The following FSTL4 variants were observed in gnomAD, a reference collection of about 807,000 sequenced individuals.
The protein encoded by FSTL4 is follistatin like 4, also known as follistatin-related protein 4.
Under a neutral mutation model 78.2 loss-of-function variants are expected in FSTL4, and 28 were observed. The observed-to-expected ratio is 0.36, with a 90% CI of 0.27 to 0.49. The LOEUF (loss-of-function observed/expected upper bound fraction) is 0.49. Ranked by LOEUF, FSTL4 falls within the 20% of genes least tolerant of loss-of-function variation. The probability of loss-of-function intolerance (pLI) is 0.98; values close to 1 mark genes in which losing one functional copy is unlikely to be tolerated. For missense variants in FSTL4, 922 were observed against 1,084.9 expected, an observed-to-expected ratio of 0.85 and a Z score of 2.11; for synonymous variants, 422 against 440.5, an observed-to-expected ratio of 0.96 and a Z score of 0.53.
At chr5:133,401,347 C>T (rs980765691) in intron 3 of FSTL4, among the ~76,000 whole-genome samples, 7 of 152,194 alleles carry the variant, frequency 4.6e-5, no homozygotes, top group South Asian at 2.1e-4. Flanking sequence ...CCAGCTATTC[C>T]GTGCTCACAA....
intron 4 of FSTL4, among the ~76,000 whole-genome samples, chr5:133,375,102 G>A (rs553726991): frequency 1.3e-5 from 2 of 151,588 alleles, no homozygotes; most frequent in South Asian, 4.2e-4. Context: ...GCATAACCTG[G>A]TTGGCAGTCT....
chr5:133,328,108 C>T (rs1580620616), intron 4 of FSTL4, among the ~76,000 whole-genome samples: 1 of 152,330 alleles, frequency 6.6e-6, no homozygotes, highest in East Asian at 1.9e-4. Context: ...TTGACATGGC[C>T]TTTTACCCAG....
At chr5:133,364,461 T>C (rs1226460129) in intron 4 of FSTL4, among the ~76,000 whole-genome samples, 1 of 152,178 alleles carries the variant, frequency 6.6e-6, no homozygotes, top group African/African-American at 2.4e-5. Context: ...AGGGGCCTCT[T>C]ACACCTGCTG....
the FSTL4 span, among the ~76,000 whole-genome samples, chr5:133,827,913 A>G: frequency 6.6e-6 from 1 of 152,310 alleles, no homozygotes; most frequent in East Asian, 1.9e-4. Flanking sequence ...CCTGTGCGTC[A>G]GTAGCTATCC....
the FSTL4 span, among the ~76,000 whole-genome samples, chr5:133,771,480 G>C: frequency 6.6e-6 from 1 of 151,852 alleles, no homozygotes. Flanking sequence ...TGTTGTTGTT[G>C]CTGTTGTAGC....
chr5:133,320,889 C>T (rs972207123), intron 4 of FSTL4, among the ~76,000 whole-genome samples: 2 of 151,496 alleles, frequency 1.3e-5, no homozygotes, highest in Admixed American at 1.3e-4. Context: ...CGCCTGTGGT[C>T]CCAGCTACTC....
intron 2 of FSTL4, chr5:133,575,205 T>A (rs1371671441): frequency 2.0e-5 from 3 of 152,178 alleles, no homozygotes; most frequent in African/African-American, 7.2e-5. Flanking sequence ...GAATTTCACA[T>A]GAGAAGTGGC....
At chr5:133,665,732 A>G in the FSTL4 span, among the ~76,000 whole-genome samples, 1 of 152,208 alleles carries the variant, frequency 6.6e-6, no homozygotes, top group Non-Finnish European at 1.5e-5. Flanking sequence ...GAACCTGGGA[A>G]CATCTGGCTG....
At chr5:133,836,107 TAGTTG>T in the FSTL4 span, among the ~76,000 whole-genome samples, 1 of 152,216 alleles carries the variant, frequency 6.6e-6, no homozygotes, top group Non-Finnish European at 1.5e-5. Flanking sequence ...CTAAGAAACA[TAGTTG>T]AGTTTTGTTT....
chr5:133,571,759 T>C (rs1760159810), intron 2 of FSTL4, among the ~76,000 whole-genome samples: 2 of 151,996 alleles, frequency 1.3e-5, no homozygotes, highest in Admixed American at 1.3e-4. Context: ...AAAAATTCAA[T>C]AGGTGGATTT....
the FSTL4 span, among the ~76,000 whole-genome samples, chr5:133,773,257 CAAA>C: frequency 5.4e-5 from 7 of 128,592 alleles, no homozygotes; most frequent in Non-Finnish European, 5.1e-5. Flanking sequence ...TTCATATGAC[CAAA>C]AAAAAAAAAA....
chr5:133,538,065 T>G (rs891597410), intron 3 of FSTL4, among the ~76,000 whole-genome samples: 1 of 152,058 alleles, frequency 6.6e-6, no homozygotes, highest in Non-Finnish European at 1.5e-5. Context: ...TTTTACCTAA[T>G]CCACAGTCCA....
chr5:133,284,815 T>C (rs572664960), intron 6 of FSTL4, among the ~76,000 whole-genome samples: 6 of 152,352 alleles, frequency 3.9e-5, no homozygotes, highest in African/African-American at 1.4e-4. Flanking sequence ...ACATGGTCCT[T>C]GCCTTCCTTA....
chr5:133,815,629 A>T, the FSTL4 span, among the ~76,000 whole-genome samples: 1 of 152,202 alleles, frequency 6.6e-6, no homozygotes, highest in East Asian at 1.9e-4. Context: ...CAAAATACAC[A>T]TCCCCAGGCC....
the FSTL4 span, among the ~76,000 whole-genome samples, chr5:133,773,872 G>C: frequency 1.3e-5 from 2 of 152,176 alleles, no homozygotes; most frequent in African/African-American, 4.8e-5. Flanking sequence ...CCCATTTGTA[G>C]AGAGCAAGAA....
At chr5:133,755,707 C>T in the FSTL4 span, among the ~76,000 whole-genome samples, 1 of 152,240 alleles carries the variant, frequency 6.6e-6, no homozygotes, top group Non-Finnish European at 1.5e-5. Flanking sequence ...CTCTGCTTTA[C>T]AGGAGGACTG....
chr5:133,482,265 T>C (rs1413890204), intron 3 of FSTL4, among the ~76,000 whole-genome samples: 2 of 152,260 alleles, frequency 1.3e-5, no homozygotes, highest in African/African-American at 2.4e-5. Context: ...CAGACTATCC[T>C]GGGCCAAAGA....
chr5:133,295,963 C>T (rs1363173203), intron 6 of FSTL4, among the ~76,000 whole-genome samples: 1 of 152,194 alleles, frequency 6.6e-6, no homozygotes, highest in East Asian at 1.9e-4. Flanking sequence ...CTAAGGGTTT[C>T]CAAGTTTCCA....
intron 1 of FSTL4, among the ~76,000 whole-genome samples, chr5:133,609,712 A>G (rs535071007): frequency 6.6e-6 from 1 of 152,336 alleles, no homozygotes; most frequent in East Asian, 1.9e-4. Context: ...ACATTATTCT[A>G]TGTGCCATGT....
Sources: allele counts gnomAD v4.1 joint callset (sites outside exome capture counted in the v4.1 genomes callset), GRCh38; gene constraint gnomAD v4.1.1; transcripts MANE v1.5; gene names NCBI Gene and HGNC (gene_info 2026-07-23, HGNC 2026-07-21).